The following SPOCK2 variants were observed in gnomAD, a reference collection of about 807,000 sequenced individuals.
The protein encoded by SPOCK2 is testican-2.
Under a neutral mutation model 60.1 loss-of-function variants are expected in SPOCK2, and 39 were observed. The observed-to-expected ratio is 0.65, with a 90% confidence interval of 0.50 to 0.85. The LOEUF (loss-of-function observed/expected upper bound fraction) is 0.85, where lower values mean the gene tolerates loss of function less well. Ranked by LOEUF, SPOCK2 falls within the 40% of genes least tolerant of loss-of-function variation. The pLI is 0.00. For missense variants in SPOCK2, 523 were observed against 567.4 expected (o/e 0.92, Z 0.80); for synonymous variants, 217 against 231.5 (o/e 0.94, Z 0.57).
chr10:72,072,351 G>C, intron 3 of SPOCK2, 93 bp from the exon 4 acceptor site: 2 of 1,458,466 alleles, frequency 1.4e-6, no homozygotes, highest in Non-Finnish European at 1.8e-6. Flanking sequence ...CCCTCCAGCA[G>C]CCCTTGATAA....
intron 1 of SPOCK2, among the ~76,000 whole-genome samples, chr10:72,073,657 A>G (rs1196667391): frequency 2.0e-5 from 3 of 152,204 alleles, no homozygotes; most frequent in African/African-American, 7.2e-5. Context: ...CCCGATGCCC[A>G]GCACAGACCA....
chr10:72,074,413 G>A (rs1840688510), intron 1 of SPOCK2, among the ~76,000 whole-genome samples: 1 of 152,042 alleles, frequency 6.6e-6, no homozygotes, highest in African/African-American at 2.4e-5. Flanking sequence ...TGCAGACCCA[G>A]GTGCACCCAT....
intron 1 of SPOCK2, among the ~76,000 whole-genome samples, chr10:72,075,937 C>T (rs1453642186): frequency 6.6e-6 from 1 of 152,202 alleles, no homozygotes; most frequent in Non-Finnish European, 1.5e-5. Flanking sequence ...GGCTCAGTGC[C>T]TATCTCCCAG....
At chr10:72,074,929 T>A (rs568094768) in intron 1 of SPOCK2, among the ~76,000 whole-genome samples, 1 of 152,096 alleles carries the variant, frequency 6.6e-6, no homozygotes, top group African/African-American at 2.4e-5. Context: ...CCGCAGCCCC[T>A]GGGCCCAGGA....
At chr10:72,071,650 C>T (rs749905435) in intron 4 of SPOCK2, among the ~76,000 whole-genome samples, 4 of 152,210 alleles carry the variant, frequency 2.6e-5, no homozygotes, top group Admixed American at 1.3e-4. Flanking sequence ...GATACTACAT[C>T]AAGGCCCAAA....
rs1445129518 is a variant in SPOCK2, at chr10:72,060,552, T to G, written c.*2208A>C. 1 of 146,944 alleles carries G rather than the reference T, an allele frequency of 6.8e-6. No individual in the cohort carries two copies. Among genetic ancestry groups the G allele is most frequent in the Non-Finnish European group, 1.5e-5 (1 of 67,108 alleles). The allele number at this position is 146,944 out of a possible 1,614,324, so 9.1% of individuals were successfully genotyped here. On this transcript the variant is annotated 3_prime_UTR_variant, in exon 11 of 11. Transcript: ENST00000373109. ...CTCCAGCTGGGACAAATGGAAGAGA[T>G]AGGTAGACTCCAATCCTAGCAAGAG...
chr10:72,086,634 A>T (rs572059998), intron 1 of SPOCK2: 207 of 1,213,920 alleles, frequency 1.7e-4, no homozygotes, highest in Non-Finnish European at 1.9e-4. Context: ...TGCTTCGGGA[A>T]GGCCTCGCGG....
Position 72,088,361 on chromosome 10 carries a change from C to A in SPOCK2, c.-33G>T, listed in dbSNP as rs772502818. On this transcript the variant is annotated 5_prime_UTR_variant, in exon 1 of 11. Transcript: ENST00000373109. ...TGGGTTCGACCTGGGGGGGTCTTGA[C>A]TTCTGCAGTATTTTAATGTCCTTCC... The A allele has an allele frequency of 1.3e-6, 2 of 1,514,854 alleles. No individual in the cohort carries two copies. Among genetic ancestry groups the A allele is most frequent in the East Asian group, 4.7e-5 (2 of 42,716 alleles). The allele number at this position is 1,514,854 out of a possible 1,614,324, so 93.8% of individuals were successfully genotyped here. A position where few individuals can be genotyped will look rare whatever the true frequency, so the allele number is the denominator to read the frequency against.
intron 7 of SPOCK2, 140 bp from the exon 8 acceptor site, chr10:72,067,260 A>G: frequency 1.1e-6 from 1 of 899,196 alleles, no homozygotes; most frequent in Non-Finnish European, 1.7e-6. Flanking sequence ...GGATTGAGAA[A>G]CTCGAGAACG....
At chr10:72,079,705 C>T (rs1174809099) in intron 1 of SPOCK2, among the ~76,000 whole-genome samples, 1 of 152,164 alleles carries the variant, frequency 6.6e-6, no homozygotes. Flanking sequence ...TGGTATGAAG[C>T]TTGGGACCTA....
Position 72,067,752 on chromosome 10 carries a change from C to A in SPOCK2, c.590-20G>T, listed in dbSNP as rs778809001. 6.2e-7 allele frequency: 1 copy of A among 1,610,434 alleles called. No homozygotes were observed. Among genetic ancestry groups the A allele is most frequent in the Non-Finnish European group, 8.5e-7 (1 of 1,178,558 alleles). ...AAGTCTCTGCAGAACAGAGAGAAGG[C>A]ATGGAGGGCGAATGTGCAGTGGAGC... On this transcript the variant is annotated intron_variant, in intron 6 of 10. Coordinates refer to ENST00000373109, the MANE Select transcript of SPOCK2 (RefSeq NM_001244950.2).
At chr10:72,081,725 G>A (rs1259159700) in intron 1 of SPOCK2, among the ~76,000 whole-genome samples, 1 of 152,216 alleles carries the variant, frequency 6.6e-6, no homozygotes, top group Non-Finnish European at 1.5e-5. Flanking sequence ...ATGAATCACT[G>A]AAATTCAGGG....
chr10:72,079,460 T>G (rs1840755478), intron 1 of SPOCK2, among the ~76,000 whole-genome samples: 1 of 152,200 alleles, frequency 6.6e-6, no homozygotes, highest in Non-Finnish European at 1.5e-5. Context: ...TCAGCTGGTT[T>G]GGAGCTAACC....
intron 1 of SPOCK2, among the ~76,000 whole-genome samples, chr10:72,076,286 C>T (rs1462721435): frequency 6.6e-6 from 1 of 152,188 alleles, no homozygotes. Context: ...CTGGCGCCAC[C>T]TTTAAGCTGA....
chr10:72,072,383 G>A, intron 3 of SPOCK2, 120 bp downstream of exon 3: 2 of 1,513,726 alleles, frequency 1.3e-6, no homozygotes, highest in Non-Finnish European at 1.8e-6. Flanking sequence ...GAGCTCAGGA[G>A]TCCCATCCCC....
At position 72,087,041 on chromosome 10, in the gene SPOCK2, G is replaced by T; in HGVS notation, c.189+1099C>A. On this transcript the variant is annotated intron_variant, in intron 1 of 10. Transcript: ENST00000373109. The surrounding 1 kb of genome is among the most constrained non-coding windows in gnomAD (Gnocchi z 4.7). ...AGGGTCCTAGAAGAGGTTTTCTGGG[G>T]TCAGGGCCGCGGTGAGCACCAGGTC... is the stretch of plus-strand genomic sequence containing the variant. 6.5e-7 allele frequency: 1 copy of T among 1,540,238 alleles called. No homozygotes were observed. Among genetic ancestry groups the T allele is most frequent in the South Asian group, 1.2e-5 (1 of 83,020 alleles).
Position 72,087,111 on chromosome 10 carries a change from C to A in SPOCK2, c.189+1029G>T. 9.4e-7 allele frequency: 1 copy of A among 1,067,516 alleles called. No homozygotes were observed. The highest frequency in any genetic ancestry group is 2.8e-5 in the Admixed American group (1 of 36,242). 66.1% of individuals were successfully genotyped at this position (1,067,516 alleles called of 1,614,324 possible). A position where few individuals can be genotyped will look rare whatever the true frequency, so the allele number is the denominator to read the frequency against. ...GCCTCTGGCGCATCCGGGCCCATCC[C>A]CCACAGCACCCCCAACGATCTCGGG... On this transcript the variant is annotated intron_variant, in intron 1 of 10. Transcript: ENST00000373109. The surrounding 1 kb of genome is among the most constrained non-coding windows in gnomAD (Gnocchi z 4.7).
At chr10:72,068,604 C>T in intron 5 of SPOCK2, 1 of 374,814 alleles carries the variant, frequency 2.7e-6, no homozygotes, top group Non-Finnish European at 4.8e-6. Context: ...CCCTGTCACC[C>T]CTCCCCTGCC....
rs886262160 is a variant in SPOCK2, at chr10:72,062,475, G to A, written c.*285C>T. ...AAACAGCTACAAGGAGGCCGAAGGG[G>A]CCTTTGGGTGACTCACTCTGCCAGG... On this transcript the variant is annotated 3_prime_UTR_variant, in exon 11 of 11. Coordinates refer to ENST00000373109, the MANE Select transcript of SPOCK2 (RefSeq NM_001244950.2). The surrounding 1 kb of genome is among the most constrained non-coding windows in gnomAD (Gnocchi z 4.3). The A allele has an allele frequency of 6.3e-6, 3 of 479,910 alleles. No individual in the cohort carries two copies. The highest frequency in any genetic ancestry group is 3.6e-6 in the Non-Finnish European group (1 of 279,554). 29.7% of individuals were successfully genotyped at this position (479,910 alleles called of 1,614,324 possible).
Sources: allele counts gnomAD v4.1 joint callset (sites outside exome capture counted in the v4.1 genomes callset), GRCh38; gene constraint gnomAD v4.1.1; non-coding constraint Gnocchi (gnomAD v3.1); transcripts MANE v1.5; gene names NCBI Gene and HGNC (gene_info 2026-07-23, HGNC 2026-07-21).